PTPRN2: variants seen among roughly 807,000 people sequenced by gnomAD.
The protein encoded by PTPRN2 is receptor-type tyrosine-protein phosphatase N2.
PTPRN2 carries 74 observed loss-of-function variants against 118.8 expected under a neutral mutation model. That is an observed-to-expected ratio of 0.62 (90% CI 0.52 to 0.76). The LOEUF is 0.76. Among genes scored for constraint, PTPRN2 ranks in the 30% least tolerant of loss-of-function variants. PTPRN2 has a pLI of 0.00. For missense variants in PTPRN2, 1,481 were observed against 1,394.4 expected, an observed-to-expected ratio of 1.06 and a Z score of -0.99; for synonymous variants, 641 against 608.0, an observed-to-expected ratio of 1.05 and a Z score of -0.80.
rs572696631 is a variant in PTPRN2, at chr7:158,546,414, C to T, written c.112+41144G>A. 1.1e-4 allele frequency among the ~76,000 whole-genome samples: 17 copies of T among 152,346 alleles called. No homozygotes were observed. The highest frequency in any genetic ancestry group is 4.1e-4 in the African/African-American group (17 of 41,592). On this transcript the variant is annotated intron_variant, in intron 1 of 22. Coordinates refer to ENST00000389418, the MANE Select transcript of PTPRN2 (RefSeq NM_002847.5). The surrounding 1 kb of genome is among the most constrained non-coding windows in gnomAD (Gnocchi z 5.0). The stretch of plus-strand genomic sequence containing the variant: ...AGCTCTCAGAGTCCTTTGGGCACCA[C>T]AGCCCGGAATGGTGCTGGAATCACA...
rs578053348 is a variant in PTPRN2 at position 158,022,766 on chromosome 7, C to T, written c.1723+58532G>A. ...GAAGGCTTTCCCCCACGGAGGCTTC[C>T]GCCATGAGTCTGGAATGCGTTCTGA... On this transcript the variant is annotated intron_variant, in intron 11 of 22. Transcript: ENST00000389418. This position sits in a 1 kb window ranked among gnomAD's most constrained non-coding sequence, Gnocchi z 4.6. Among the ~76,000 whole-genome samples the T allele has an allele frequency of 3.5e-4, 54 of 152,402 alleles. No homozygotes were observed. The South Asian group carries it at 0.011, about 31-fold the overall frequency.
intron 17 of PTPRN2, among the ~76,000 whole-genome samples, chr7:157,582,866 C>T (rs1800471547): frequency 6.8e-6 from 1 of 146,096 alleles, no homozygotes; most frequent in Admixed American, 7.0e-5. Context: ...AAGAGCAAAA[C>T]TCCACCTCAA....
intron 22 of PTPRN2, among the ~76,000 whole-genome samples, chr7:157,545,148 TGTGG>T (rs1045056205): frequency 7.2e-6 from 1 of 138,496 alleles, no homozygotes; most frequent in African/African-American, 2.8e-5. Context: ...TGTGCAGGTG[TGTGG>T]GTGTGTGCAG....
intron 14 of PTPRN2, among the ~76,000 whole-genome samples, chr7:157,631,781 G>A (rs1233817664): frequency 3.3e-5 from 5 of 151,126 alleles, no homozygotes; most frequent in Admixed American, 6.6e-5. Context: ...GCAGTGAGCC[G>A]AGATTGTGCC....
intron 5 of PTPRN2, among the ~76,000 whole-genome samples, chr7:158,189,753 C>T (rs971558156): frequency 5.9e-5 from 9 of 152,242 alleles, no homozygotes; most frequent in Non-Finnish European, 1.0e-4. Context: ...GACGTGACGT[C>T]ACGGCGCCGT....
intron 12 of PTPRN2, among the ~76,000 whole-genome samples, chr7:157,728,107 C>G (rs919387407): frequency 6.6e-6 from 1 of 152,148 alleles, no homozygotes. Context: ...CAGCGAGGGT[C>G]TGGCAAGGAG....
chr7:157,975,092 A>C (rs1179747147), intron 11 of PTPRN2, among the ~76,000 whole-genome samples: 1 of 152,098 alleles, frequency 6.6e-6, no homozygotes, highest in Non-Finnish European at 1.5e-5. Flanking sequence ...GGTGCAGCCC[A>C]GGCCCAGCAC....
At chr7:158,514,144 A>T (rs1196364272) in intron 1 of PTPRN2, among the ~76,000 whole-genome samples, 1 of 152,134 alleles carries the variant, frequency 6.6e-6, no homozygotes, top group Non-Finnish European at 1.5e-5. Flanking sequence ...ACTGACATAG[A>T]AGGATTATTC....
At chr7:158,094,589 G>A (rs1325581480) in intron 10 of PTPRN2, among the ~76,000 whole-genome samples, 2 of 152,160 alleles carry the variant, frequency 1.3e-5, no homozygotes, top group Non-Finnish European at 2.9e-5. Flanking sequence ...TTACAGGCAT[G>A]AGCCACTGCT....
At position 158,133,947 on chromosome 7, in the gene PTPRN2, T is replaced by C. The variant is rs143177990; in HGVS notation, c.1286A>G (p.Glu429Gly). Residue 429 changes from glutamate (E) to glycine (G), a missense_variant, in exon 9 of 23, where the codon GAG becomes GGG. Physicochemically the swap from Glu to Gly is moderately conservative, Grantham distance 98. Around this residue, in one of 3 missense-constraint regions of PTPRN2, gnomAD observed 1,115 missense variants for 994.2 expected, o/e 1.12. Coordinates refer to ENST00000389418, the MANE Select transcript of PTPRN2 (RefSeq NM_002847.5). ...RPLDMERKKS[E>G]HPESSLSSEE... is the part of the protein sequence containing the mutation. Reference sequence around the variant, plus strand: ...TGAAGACAGGGAAGACTCAGGGTGCTCGGACTTCTTCCTCTCCATGTCGAG... The same window carrying C: ...TGAAGACAGGGAAGACTCAGGGTGCCCGGACTTCTTCCTCTCCATGTCGAG... The C allele has an allele frequency of 5.2e-5, 84 of 1,613,908 alleles. No homozygotes were observed. Among genetic ancestry groups the C allele is most frequent in the Non-Finnish European group, 5.8e-5 (68 of 1,180,054 alleles).
intron 9 of PTPRN2, among the ~76,000 whole-genome samples, chr7:158,127,013 C>A (rs1223762005): frequency 6.6e-6 from 1 of 152,182 alleles, no homozygotes; most frequent in Non-Finnish European, 1.5e-5. Flanking sequence ...CTTGCCTTCT[C>A]CGAGGTGCAA....
At chr7:157,795,900 G>A (rs1473623924) in intron 12 of PTPRN2, among the ~76,000 whole-genome samples, 2 of 152,236 alleles carry the variant, frequency 1.3e-5, no homozygotes, top group Non-Finnish European at 2.9e-5. Context: ...ACAAACACAT[G>A]TGATGCTGAC....
intron 1 of PTPRN2, among the ~76,000 whole-genome samples, chr7:158,577,374 G>A (rs1289327250): frequency 7.5e-6 from 1 of 132,676 alleles, no homozygotes. Context: ...CATGGGGCCT[G>A]CACAACACTG....
rs1938392028 is a variant in PTPRN2, at chr7:158,570,418, C to G, written c.112+17140G>C. 6.6e-6 allele frequency among the ~76,000 whole-genome samples: 1 copy of G among 152,190 alleles called. No individual in the cohort carries two copies. The highest frequency in any genetic ancestry group is 2.4e-5 in the African/African-American group (1 of 41,450). ...CCAGATGAGGACAGAACCGAGCGCCCTCCAGCACCCTCTCCCACCATCCAT... is the reference window on the plus strand; with the variant it reads ...CCAGATGAGGACAGAACCGAGCGCCGTCCAGCACCCTCTCCCACCATCCAT... On this transcript the variant is annotated intron_variant, in intron 1 of 22. Coordinates refer to ENST00000389418, the MANE Select transcript of PTPRN2 (RefSeq NM_002847.5). The surrounding 1 kb of genome is among the most constrained non-coding windows in gnomAD (Gnocchi z 4.5).
rs1312210044 is a variant in PTPRN2 at position 158,081,390 on chromosome 7, A to G, written c.1644-13T>C. The G allele has an allele frequency of 1.2e-6, 2 of 1,612,444 alleles. No individual in the cohort carries two copies. The highest frequency in any genetic ancestry group is 8.5e-7 in the Non-Finnish European group (1 of 1,178,588). ...TGGTCCGAGAACCCTGGAAGGGATA[A>G]TTTAAAATAAGTTCATAACGAAGTC... On this transcript the variant is annotated splice_polypyrimidine_tract_variant and intron_variant, in intron 10 of 22. Transcript: ENST00000389418.
chr7:157,991,700 G>A (rs1335549871), intron 11 of PTPRN2, among the ~76,000 whole-genome samples: 1 of 152,200 alleles, frequency 6.6e-6, no homozygotes, highest in Non-Finnish European at 1.5e-5. Context: ...AGCTGCACGG[G>A]GCTGTTCTCA....
rs573786058 is a variant in PTPRN2 at position 158,022,184 on chromosome 7, T to A, written c.1723+59114A>T. Among the ~76,000 whole-genome samples, 1 of 152,200 alleles carries A rather than the reference T, an allele frequency of 6.6e-6. No individual in the cohort carries two copies. The highest frequency in any genetic ancestry group is 1.5e-5 in the Non-Finnish European group (1 of 68,032). On this transcript the variant is annotated intron_variant, in intron 11 of 22. Transcript: ENST00000389418. The surrounding 1 kb of genome is among the most constrained non-coding windows in gnomAD (Gnocchi z 4.6). The stretch of plus-strand genomic sequence containing the variant: ...TCCACAGACATGGTGAGAGGAGACA[T>A]TCAAGGATGAATTTAAATTGTGAAA...
chr7:158,222,940 A>G (rs550765406), intron 3 of PTPRN2, among the ~76,000 whole-genome samples: 1 of 152,280 alleles, frequency 6.6e-6, no homozygotes, highest in South Asian at 2.1e-4. Flanking sequence ...CTCTATCAAG[A>G]CTAACAAAAA....
chr7:157,917,367 A>T (rs1176014076), intron 11 of PTPRN2, among the ~76,000 whole-genome samples: 1 of 152,152 alleles, frequency 6.6e-6, no homozygotes, highest in South Asian at 2.1e-4. Flanking sequence ...AATTTGTCAA[A>T]CTCCACTCCT....
Sources: allele counts gnomAD v4.1 joint callset (sites outside exome capture counted in the v4.1 genomes callset), GRCh38; gene constraint gnomAD v4.1.1; regional missense constraint gnomAD v4.1.1; non-coding constraint Gnocchi (gnomAD v3.1); transcripts MANE v1.5; gene names NCBI Gene and HGNC (gene_info 2026-07-23, HGNC 2026-07-21).